MYO18B: variants seen among roughly 807,000 people sequenced by gnomAD.
MYO18B encodes unconventional myosin-XVIIIb.
In MYO18B, 204 loss-of-function variants were observed where a neutral mutation model predicts 273.0. That is an observed-to-expected ratio of 0.75 (90% CI 0.67 to 0.84). The LOEUF (loss-of-function observed/expected upper bound fraction) is 0.84, where lower values mean the gene tolerates loss of function less well. Ranked by LOEUF, MYO18B falls within the 40% of genes least tolerant of loss-of-function variation. The pLI is 0.00. For missense variants in MYO18B, 3,212 were observed against 3,287.6 expected (o/e 0.98, Z 0.56); for synonymous variants, 1,330 against 1,305.7 (o/e 1.02, Z -0.40).
chr22:25,826,548 A>G (rs781741153), intron 14 of MYO18B, 49 bp downstream of exon 14: 2 of 1,505,378 alleles, frequency 1.3e-6, no homozygotes, highest in Non-Finnish European at 9.2e-7. Flanking sequence ...GCAGGTGCAC[A>G]GATGAATTCA....
chr22:25,773,830 C>T (rs1411489061), intron 7 of MYO18B, among the ~76,000 whole-genome samples: 2 of 152,156 alleles, frequency 1.3e-5, no homozygotes, highest in East Asian at 3.9e-4. Flanking sequence ...AGAGTCCCTA[C>T]TGGGGTTTTT....
chr22:25,847,316 C>A, intron 19 of MYO18B, 114 bp from the exon 20 acceptor site: 1 of 832,146 alleles, frequency 1.2e-6, no homozygotes, highest in Non-Finnish European at 1.9e-6. Context: ...TGGTGTGGGA[C>A]ATAGGGGCCC....
chr22:26,026,869 G>A lies in MYO18B; in HGVS notation c.6895G>A (p.Gly2299Arg). ...GAGGGGCAGGGCTGGCAGTGACGAGGGAAACCTCTCGCTGAGGGTTGGGGC... is the reference window on the plus strand; with the variant it reads ...GAGGGGCAGGGCTGGCAGTGACGAGAGAAACCTCTCGCTGAGGGTTGGGGC... Reference protein sequence around the residue: ...LRRGRAGSDEGNLSLRVGAKS... With the variant: ...LRRGRAGSDERNLSLRVGAKS... The change falls in exon 43 of 44, where the codon GGA becomes AGA. Residue 2299 changes from glycine to arginine, a missense_variant. Coordinates refer to ENST00000335473, the MANE Select transcript of MYO18B (RefSeq NM_032608.7). 1 of 1,597,306 alleles carries A rather than the reference G, an allele frequency of 6.3e-7. No homozygotes were observed. Among genetic ancestry groups the A allele is most frequent in the Non-Finnish European group, 8.5e-7 (1 of 1,171,436 alleles).
At chr22:25,745,423 T>C (rs1223062763) in intron 1 of MYO18B, among the ~76,000 whole-genome samples, 1 of 151,898 alleles carries the variant, frequency 6.6e-6, no homozygotes, top group Non-Finnish European at 1.5e-5. Context: ...AAATGAACTT[T>C]ATGACACAAA....
chr22:25,745,038 C>A (rs533861517), intron 1 of MYO18B, among the ~76,000 whole-genome samples: 2 of 152,134 alleles, frequency 1.3e-5, no homozygotes, highest in African/African-American at 4.8e-5. Flanking sequence ...ATTATCCCCC[C>A]GCACCAAGAT....
rs16980942 is a variant in MYO18B, at chr22:25,876,493, A to T, written c.4224+161A>T. ...CCTTCCAGATGTTCCTCTGCCTCCA[A>T]CAACACAGACAATCCTCCATCCCAT... On this transcript the variant is annotated intron_variant, in intron 24 of 43. Coordinates refer to ENST00000335473, the MANE Select transcript of MYO18B (RefSeq NM_032608.7). 0.033 allele frequency among the ~76,000 whole-genome samples: 5,049 copies of T among 152,134 alleles called. 226 individuals are homozygous for T. Among genetic ancestry groups the T allele is most frequent in the East Asian group, 0.17 (876 of 5,160 alleles).
chr22:25,988,793 C>T (rs1332086326), intron 39 of MYO18B, among the ~76,000 whole-genome samples: 2 of 152,132 alleles, frequency 1.3e-5, no homozygotes, highest in Non-Finnish European at 2.9e-5. Flanking sequence ...TCGCAAAAGC[C>T]CTGTGAGGGA....
intron 34 of MYO18B, among the ~76,000 whole-genome samples, chr22:25,937,126 C>T (rs2301506): frequency 0.015 from 2,217 of 151,824 alleles, 48 homozygotes; most frequent in African/African-American, 0.041. Context: ...GTCACCCAGG[C>T]GGGAGTGCAG....
intron 7 of MYO18B, among the ~76,000 whole-genome samples, chr22:25,775,063 C>A (rs1175715906): frequency 6.6e-6 from 1 of 152,342 alleles, no homozygotes; most frequent in Non-Finnish European, 1.5e-5. Flanking sequence ...TCCTTCTCCC[C>A]CTAGGCAGTG....
chr22:25,794,874 T>C (rs1253672845), intron 11 of MYO18B, among the ~76,000 whole-genome samples: 2 of 152,222 alleles, frequency 1.3e-5, no homozygotes, highest in Non-Finnish European at 2.9e-5. Flanking sequence ...CCTCCTTCCA[T>C]GAAAGGCTCC....
At chr22:26,011,243 A>G (rs1934896235) in intron 42 of MYO18B, among the ~76,000 whole-genome samples, 1 of 152,004 alleles carries the variant, frequency 6.6e-6, no homozygotes, top group African/African-American at 2.4e-5. Context: ...TGAGTCCAGT[A>G]GTAAAGAGAA....
At chr22:25,847,857 C>T (rs373960802) in intron 20 of MYO18B, among the ~76,000 whole-genome samples, 4 of 151,882 alleles carry the variant, frequency 2.6e-5, no homozygotes, top group Non-Finnish European at 2.9e-5. Flanking sequence ...ATTGCCTGGA[C>T]GTGGCAGAGC....
chr22:25,819,465 A>G (rs1644875948), intron 12 of MYO18B, among the ~76,000 whole-genome samples: 1 of 152,242 alleles, frequency 6.6e-6, no homozygotes, highest in Admixed American at 6.5e-5. Context: ...TCCCCAGCAC[A>G]GGAAGAAGAA....
At chr22:25,861,875 C>A (rs1292995126) in intron 21 of MYO18B, among the ~76,000 whole-genome samples, 1 of 152,156 alleles carries the variant, frequency 6.6e-6, no homozygotes, top group Non-Finnish European at 1.5e-5. Flanking sequence ...AACCTTTGCT[C>A]CAATATAGCT....
the MYO18B span, among the ~76,000 whole-genome samples, chr22:26,041,540 T>C: frequency 5.3e-5 from 8 of 151,828 alleles, no homozygotes; most frequent in African/African-American, 1.9e-4. Flanking sequence ...TCAAAAATAA[T>C]AATAATAACA....
intron 39 of MYO18B, among the ~76,000 whole-genome samples, chr22:25,965,623 A>G (rs756930502): frequency 6.6e-6 from 1 of 152,206 alleles, no homozygotes; most frequent in Non-Finnish European, 1.5e-5. Context: ...ATTATATATC[A>G]TTTGCACCAT....
chr22:26,059,874 G>T, the MYO18B span, among the ~76,000 whole-genome samples: 1 of 152,238 alleles, frequency 6.6e-6, no homozygotes, highest in African/African-American at 2.4e-5. Context: ...AAAGGCTGGA[G>T]AAGGTGTATG....
At chr22:25,875,498 G>A (rs2091164708) in intron 23 of MYO18B, among the ~76,000 whole-genome samples, 1 of 91,520 alleles carries the variant, frequency 1.1e-5, no homozygotes, top group South Asian at 5.2e-4. Flanking sequence ...AGTCAGTGCT[G>A]TTCTGGTCCC....
chr22:25,942,014 C>T (rs1011122109), intron 34 of MYO18B, among the ~76,000 whole-genome samples: 4 of 152,228 alleles, frequency 2.6e-5, no homozygotes, highest in South Asian at 2.1e-4. Context: ...GAGCTCACAA[C>T]GACAATTGTT....
Sources: allele counts gnomAD v4.1 joint callset (sites outside exome capture counted in the v4.1 genomes callset), GRCh38; gene constraint gnomAD v4.1.1; transcripts MANE v1.5; gene names NCBI Gene and HGNC (gene_info 2026-07-23, HGNC 2026-07-21).